The following DCDC1 variants were observed in gnomAD, a reference collection of about 807,000 sequenced individuals.
DCDC1 encodes the protein doublecortin domain containing 1.
A neutral mutation model predicts 178.3 loss-of-function variants in DCDC1; 200 were observed. The observed-to-expected ratio is 1.12, with a 90% CI of 1.00 to 1.26. DCDC1 has a LOEUF of 1.26. Among genes scored for constraint, DCDC1 ranks in the 50% most tolerant of loss-of-function variants. DCDC1 has a pLI of 0.00. For missense variants in DCDC1, 1,983 were observed against 1,749.2 expected (o/e 1.13, Z -2.38); for synonymous variants, 690 against 604.8 (o/e 1.14, Z -2.07).
chr11:30,883,397 T>C (rs755423624), intron 36 of DCDC1: 6 of 393,584 alleles, frequency 1.5e-5, no homozygotes, highest in South Asian at 1.0e-4. Flanking sequence ...ATTAAACCTA[T>C]ACATTATTGG....
chr11:31,269,546 C>T (rs939270064), intron 7 of DCDC1, among the ~76,000 whole-genome samples: 1 of 151,774 alleles, frequency 6.6e-6, no homozygotes, highest in African/African-American at 2.4e-5. Context: ...ATATGACACC[C>T]AGCTAATTTT....
chr11:30,875,737 TTTC>T (rs1942059338), intron 38 of DCDC1, among the ~76,000 whole-genome samples: 1 of 152,152 alleles, frequency 6.6e-6, no homozygotes, highest in African/African-American at 2.4e-5. Context: ...GTTGCTTTGT[TTTC>T]TTAATTAGGG....
intron 21 of DCDC1, among the ~76,000 whole-genome samples, chr11:30,946,686 G>C (rs1948076070): frequency 6.6e-6 from 1 of 152,118 alleles, no homozygotes; most frequent in South Asian, 2.1e-4. Flanking sequence ...GTTGAGACCA[G>C]AAAATATGAC....
At chr11:31,262,911 G>T in intron 8 of DCDC1, 2 of 739,228 alleles carry the variant, frequency 2.7e-6, no homozygotes, top group Non-Finnish European at 4.2e-6. Flanking sequence ...GGTTGCACAG[G>T]CTAATTTCAG....
chr11:30,981,711 G>A (rs1006629918), intron 20 of DCDC1, among the ~76,000 whole-genome samples: 4 of 152,154 alleles, frequency 2.6e-5, no homozygotes, highest in African/African-American at 9.7e-5. Flanking sequence ...CAGGTGGAAA[G>A]GCTGTGTTTT....
At chr11:31,306,419 G>A in intron 4 of DCDC1, 31 bp from the exon 5 acceptor site, 4 of 1,568,746 alleles carry the variant, frequency 2.5e-6, no homozygotes, top group Admixed American at 2.0e-5. Flanking sequence ...AAAAATTGAT[G>A]CATGCTAATT....
intron 9 of DCDC1, among the ~76,000 whole-genome samples, chr11:31,209,117 C>T (rs190988267): frequency 1.5e-4 from 23 of 152,126 alleles, no homozygotes; most frequent in African/African-American, 3.1e-4. Flanking sequence ...TGATGTTTAA[C>T]GGATACTTGG....
chr11:30,933,063 G>A (rs776706530), intron 21 of DCDC1, among the ~76,000 whole-genome samples: 1 of 151,666 alleles, frequency 6.6e-6, no homozygotes, highest in Non-Finnish European at 1.5e-5. Context: ...TGACCATCCT[G>A]TAAAATATCA....
At chr11:31,060,274 T>G (rs1224092662) in intron 20 of DCDC1, among the ~76,000 whole-genome samples, 3 of 152,074 alleles carry the variant, frequency 2.0e-5, no homozygotes, top group Non-Finnish European at 4.4e-5. Context: ...AAAATGTAAA[T>G]AAGGCTTTAA....
At chr11:30,939,218 A>G (rs1221932733) in intron 21 of DCDC1, among the ~76,000 whole-genome samples, 1 of 152,140 alleles carries the variant, frequency 6.6e-6, no homozygotes, top group Non-Finnish European at 1.5e-5. Context: ...TCTCCTGAAT[A>G]ACAGTCTCAG....
intron 11 of DCDC1, among the ~76,000 whole-genome samples, chr11:31,117,299 C>T (rs1290644546): frequency 6.6e-6 from 1 of 151,778 alleles, no homozygotes; most frequent in Non-Finnish European, 1.5e-5. Flanking sequence ...TGGAAGCAGC[C>T]ACTATCCTGG....
intron 20 of DCDC1, among the ~76,000 whole-genome samples, chr11:31,004,469 C>T (rs778705396): frequency 3.3e-5 from 5 of 149,316 alleles, no homozygotes; most frequent in South Asian, 4.2e-4. Context: ...GTCAGGAGAT[C>T]GAGACCATCC....
intron 20 of DCDC1, among the ~76,000 whole-genome samples, chr11:30,995,176 GA>G (rs1243103770): frequency 1.3e-5 from 2 of 151,970 alleles, no homozygotes; most frequent in African/African-American, 4.8e-5. Context: ...AAAATATTAA[GA>G]TAAAGCACTT....
intron 22 of DCDC1, among the ~76,000 whole-genome samples, chr11:30,927,633 C>A (rs970528233): frequency 4.6e-5 from 7 of 152,036 alleles, no homozygotes; most frequent in Non-Finnish European, 8.8e-5. Context: ...TTCTATGTTG[C>A]CAGCAACTTT....
At chr11:31,259,277 C>T (rs1249585058) in intron 8 of DCDC1, among the ~76,000 whole-genome samples, 1 of 151,938 alleles carries the variant, frequency 6.6e-6, no homozygotes, top group African/African-American at 2.4e-5. Flanking sequence ...CACCTGAACC[C>T]GGGAGGCGGA....
intron 9 of DCDC1, among the ~76,000 whole-genome samples, chr11:31,158,090 A>ATTGTT (rs538596604): frequency 3.2e-4 from 42 of 132,304 alleles, no homozygotes; most frequent in South Asian, 2.5e-3. Flanking sequence ...TATACAAAAC[A>ATTGTT]TTGTTTTATT....
rs1035456788 is a variant in DCDC1, at chr11:30,920,958, CA to C, written c.3134-24del. The C allele has an allele frequency of 3.1e-6, 5 of 1,595,720 alleles. No individual in the cohort carries two copies. The African/African-American group carries it at 5.4e-5, about 17-fold the overall frequency. On this transcript the variant is annotated intron_variant, in intron 24 of 38. Transcript: ENST00000684477. ...GAGCTGAGCAGAAATTCACAAATTG[CA>C]AAGACATATTACTTACAATTGCAGA...
chr11:31,253,072 C>T (rs1014705642), intron 8 of DCDC1, among the ~76,000 whole-genome samples: 3 of 152,080 alleles, frequency 2.0e-5, no homozygotes, highest in Admixed American at 6.6e-5. Flanking sequence ...TTTTAAAGTT[C>T]TATAGAATGT....
At chr11:30,992,394 T>C (rs569845048) in intron 20 of DCDC1, 1 of 152,340 alleles carries the variant, frequency 6.6e-6, no homozygotes, top group East Asian at 1.9e-4. Flanking sequence ...ATGAAAGATC[T>C]GACTTCCAAG....
Sources: gnomAD v4.1 joint callset for allele counts (sites outside exome capture counted in the v4.1 genomes callset) on GRCh38, gnomAD v4.1.1 for gene constraint, MANE v1.5 for transcripts, NCBI Gene and HGNC (gene_info 2026-07-23, HGNC 2026-07-21) for gene names.